The following THUMPD3 variants were observed in gnomAD, a reference collection of about 807,000 sequenced individuals.
THUMPD3 encodes the protein THUMP domain 3 tRNA guanosine methyltransferase.
In THUMPD3, 44 loss-of-function variants were observed where a neutral mutation model predicts 54.5. The observed-to-expected ratio is 0.81, with a 90% CI of 0.63 to 1.04. The LOEUF (loss-of-function observed/expected upper bound fraction) is 1.04. Among genes scored for constraint, THUMPD3 ranks in the 50% least tolerant of loss-of-function variants. The pLI is 0.00. For missense variants in THUMPD3, 604 were observed against 601.3 expected (o/e 1.00, Z -0.05); for synonymous variants, 196 against 201.4 (o/e 0.97, Z 0.23).
chr3:9,369,414 C>T (rs1284555798), intron 3 of THUMPD3, among the ~76,000 whole-genome samples: 1 of 150,262 alleles, frequency 6.7e-6, no homozygotes, highest in Non-Finnish European at 1.5e-5. Flanking sequence ...ATACGTATAG[C>T]TTGACGGTAA....
In THUMPD3 at chr3:9,384,519, C is replaced by T; in HGVS notation, c.1360-5C>T. Reference sequence around the variant, plus strand: ...CTAATTGTTATTTTTTTTGTGTGTACACAGGCGTTATCTGGAATGCGACAC... The same window carrying T: ...CTAATTGTTATTTTTTTTGTGTGTATACAGGCGTTATCTGGAATGCGACAC... On this transcript the variant is annotated splice_region_variant and splice_polypyrimidine_tract_variant and intron_variant, in intron 9 of 9. Transcript: ENST00000452837. 1.2e-6 allele frequency: 2 copies of T among 1,613,956 alleles called. No individual in the cohort carries two copies. The highest frequency in any genetic ancestry group is 1.7e-6 in the Non-Finnish European group (2 of 1,180,000).
chr3:9,381,910 G>A (rs1381113745), intron 7 of THUMPD3, among the ~76,000 whole-genome samples: 2 of 150,250 alleles, frequency 1.3e-5, no homozygotes, highest in African/African-American at 4.9e-5. Context: ...CTCCCAAGTA[G>A]CTGGGACTAC....
intron 9 of THUMPD3, 63 bp from the exon 10 acceptor site, chr3:9,384,458 TAAG>T: frequency 6.2e-7 from 1 of 1,606,884 alleles, no homozygotes; most frequent in Non-Finnish European, 8.5e-7. Flanking sequence ...TCTTGGCAGT[TAAG>T]AATCCTAGTT....
Position 9,384,238 on chromosome 3 carries a change from A to T in THUMPD3, c.1262A>T (p.Asn421Ile). The T allele has an allele frequency of 6.2e-7, 1 of 1,614,068 alleles. No homozygotes were observed. Among genetic ancestry groups the T allele is most frequent in the Non-Finnish European group, 8.5e-7 (1 of 1,179,996 alleles). ...KRMGSKKRNWNLYPACLREMS... is the reference protein window; with the variant it reads ...KRMGSKKRNWILYPACLREMS... ...ATGGGATCCAAGAAGAGAAACTGGA[A>T]CCTTTATCCAGCTTGCCTACGGGAG... is the stretch of plus-strand genomic sequence containing the variant. The change falls in exon 9 of 10, where the codon AAC (asparagine) becomes ATC (isoleucine). Residue 421 changes from asparagine to isoleucine, a missense_variant. Physicochemically the swap from Asn to Ile is moderately radical, Grantham distance 149. Coordinates refer to ENST00000452837, the MANE Select transcript of THUMPD3 (RefSeq NM_001114092.2).
At chr3:9,371,895 G>A (rs1031119215) in intron 4 of THUMPD3, among the ~76,000 whole-genome samples, 1 of 151,858 alleles carries the variant, frequency 6.6e-6, no homozygotes, top group African/African-American at 2.4e-5. Flanking sequence ...TTTCTTTTTC[G>A]AGACAGAGTC....
At chr3:9,374,167 GT>G (rs896333688) in intron 4 of THUMPD3, among the ~76,000 whole-genome samples, 8 of 152,010 alleles carry the variant, frequency 5.3e-5, no homozygotes, top group African/African-American at 1.2e-4. Flanking sequence ...ATAGTATATA[GT>G]TTTTTTCGTT....
chr3:9,380,151 C>T (rs1043993360), intron 6 of THUMPD3, among the ~76,000 whole-genome samples: 4 of 152,086 alleles, frequency 2.6e-5, no homozygotes, highest in Non-Finnish European at 5.9e-5. Flanking sequence ...CCTCAGAGAG[C>T]TCCCAGGTTA....
rs1463158349 is a variant in THUMPD3, at chr3:9,386,026, GTAT to G, written c.*1342_*1344del. ...AGTATAGATTTTCAGTATCCTATTA[GTAT>G]TATAATAGTACTCCTCTTAATACTT... On this transcript the variant is annotated 3_prime_UTR_variant, in exon 10 of 10. Transcript: ENST00000452837. 6.6e-6 allele frequency: 1 copy of G among 152,118 alleles called. No individual in the cohort carries two copies. Among genetic ancestry groups the G allele is most frequent in the African/African-American group, 2.4e-5 (1 of 41,402 alleles). The allele number at this position is 152,118 out of a possible 1,614,324, so 9.4% of individuals were successfully genotyped here.
intron 3 of THUMPD3, 151 bp from the exon 4 acceptor site, chr3:9,370,909 G>T: frequency 1.5e-6 from 1 of 667,418 alleles, no homozygotes; most frequent in East Asian, 2.6e-5. Flanking sequence ...TTTATATGAG[G>T]GACTTTTGAG....
At chr3:9,380,709 G>C in intron 7 of THUMPD3, 91 bp downstream of exon 7, 1 of 816,718 alleles carries the variant, frequency 1.2e-6, no homozygotes, top group South Asian at 1.7e-5. Context: ...AGTGCATTGT[G>C]ACGTCATTGT....
chr3:9,376,280 C>G (rs957176206), intron 5 of THUMPD3, among the ~76,000 whole-genome samples: 1 of 152,204 alleles, frequency 6.6e-6, no homozygotes, highest in African/African-American at 2.4e-5. Context: ...GGAACCACAT[C>G]TTGGAAAACC....
At position 9,364,604 on chromosome 3, in the gene THUMPD3, C is replaced by G. The variant is rs559662650; in HGVS notation, c.-53-412C>G. On this transcript the variant is annotated intron_variant, in intron 1 of 9. Transcript: ENST00000452837. ...TCAGGCAATCTGCCCGCCTCGGCCT[C>G]CCAAAGTGCTGGGATTACAGGTGTG... Among the ~76,000 whole-genome samples the G allele has an allele frequency of 5.3e-5, 8 of 152,294 alleles. No individual in the cohort carries two copies. In the East Asian group the frequency reaches 1.5e-3, roughly 29 times the overall value.
Position 9,384,552 on chromosome 3 carries a change from G to C in THUMPD3, c.1388G>C (p.Arg463Pro). 6.2e-7 allele frequency: 1 copy of C among 1,614,176 alleles called. No homozygotes were observed. The highest frequency in any genetic ancestry group is 8.5e-7 in the Non-Finnish European group (1 of 1,180,030). The part of the protein sequence containing the change: ...KALSGMRHVW[R>P]KVDTVWVNVG... ...TTATCTGGAATGCGACACGTATGGC[G>C]AAAGGTGGATACAGTCTGGGTGAAC... The change falls in exon 10 of 10, where the codon CGA becomes CCA. Residue 463 changes from arginine (R) to proline (P), a missense_variant. Transcript: ENST00000452837.
chr3:9,371,100 T>A lies in THUMPD3; in HGVS notation c.371T>A (p.Leu124His). ...LKDFEDLAGK[L>H]PWSNPLKVWK... ...GATTTTGAAGACTTGGCTGGAAAAC[T>A]CCCATGGTCAAACCCCTTAAAAGTG... The change falls in exon 4 of 10, where the codon CTC (leucine) becomes CAC (histidine). Residue 124 changes from leucine (L) to histidine (H), a missense_variant. Leu to His is a moderately conservative substitution (Grantham distance 99). Transcript: ENST00000452837. 6.3e-6 allele frequency: 10 copies of A among 1,578,434 alleles called. No homozygotes were observed. In the South Asian group the frequency reaches 1.2e-4, roughly 19 times the overall value.
intron 3 of THUMPD3, among the ~76,000 whole-genome samples, chr3:9,368,945 T>C (rs1174905790): frequency 6.6e-6 from 1 of 152,184 alleles, no homozygotes; most frequent in African/African-American, 2.4e-5. Flanking sequence ...TTTTTTTTCA[T>C]ATACAAGTTG....
At chr3:9,383,065 G>T in intron 7 of THUMPD3, 134 bp from the exon 8 acceptor site, 1 of 559,948 alleles carries the variant, frequency 1.8e-6, no homozygotes. Flanking sequence ...CTTAAATTTT[G>T]AATAGGTTGA....
In THUMPD3 at chr3:9,383,237, G is replaced by A. The variant is rs1261285657; in HGVS notation, c.1163G>A (p.Trp388Ter). The A allele has an allele frequency of 6.2e-7, 1 of 1,614,028 alleles. No individual in the cohort carries two copies. The highest frequency in any genetic ancestry group is 1.7e-5 in the Admixed American group (1 of 60,028). Residue 388 changes from tryptophan (W) to a stop codon, truncating the protein, a stop_gained, in exon 8 of 10, where the codon TGG becomes TAG. Transcript: ENST00000452837. LOFTEE classifies it high-confidence loss of function. ...GGCTTGCCCATAGATGCTGTTCAGT[G>A]GGATATCTGCAATCTGCCATTGAGA... ...SWGLPIDAVQ[W>*]DICNLPLRTG...
chr3:9,369,999 A>G (rs981629428), intron 3 of THUMPD3, among the ~76,000 whole-genome samples: 3 of 152,210 alleles, frequency 2.0e-5, no homozygotes, highest in Non-Finnish European at 4.4e-5. Context: ...TCTACCATAT[A>G]TACACGGTAT....
intron 5 of THUMPD3, 144 bp from the exon 6 acceptor site, chr3:9,377,675 A>T: frequency 1.7e-6 from 1 of 604,268 alleles, no homozygotes. Flanking sequence ...GTGCGCGGCC[A>T]CAAATTGATT....
Sources: gnomAD v4.1 joint callset for allele counts (sites outside exome capture counted in the v4.1 genomes callset) on GRCh38, gnomAD v4.1.1 for gene constraint, MANE v1.5 for transcripts, NCBI Gene and HGNC (gene_info 2026-07-23, HGNC 2026-07-21) for gene names.